The following FGFR4 variants were observed in gnomAD, a reference collection of about 807,000 sequenced individuals.
The protein encoded by FGFR4 is fibroblast growth factor receptor 4.
FGFR4 carries 63 observed loss-of-function variants against 89.9 expected under a neutral mutation model. That is an observed-to-expected ratio of 0.70 (90% CI 0.57 to 0.86). The LOEUF is 0.86. FGFR4 is among the 40% of genes least tolerant of loss of function. The pLI is 0.00. For synonymous variants in FGFR4, 486 were observed against 479.4 expected, an observed-to-expected ratio of 1.01 and a Z score of -0.18; for missense variants, 928 against 1,106.7, an observed-to-expected ratio of 0.84 and a Z score of 2.29.
At chr5:177,096,881 C>G in intron 16 of FGFR4, 140 bp downstream of exon 16, 1 of 920,092 alleles carries the variant, frequency 1.1e-6, no homozygotes, top group Non-Finnish European at 1.6e-6. Flanking sequence ...CCTCTTCCTC[C>G]TCCTCCTCTT....
chr5:177,093,476 GCGGCCCCGCCTTGCTCGC>G lies in FGFR4; in HGVS notation c.1328_1345del (p.Pro443_Gly448del). ...GTACGAGGCGTGCGTCTCTCCTCCA[GCGGCCCCGCCTTGCTCGC>G]CGGCCTCGTGAGTCTAGATCTACCT... is the stretch of plus-strand genomic sequence containing the variant. On this transcript the variant is annotated inframe_deletion, in exon 10 of 18. Coordinates refer to ENST00000292408, the MANE Select transcript of FGFR4 (RefSeq NM_213647.3). The surrounding 1 kb of genome is among the most constrained non-coding windows in gnomAD (Gnocchi z 5.8). The G allele has an allele frequency of 6.2e-7, 1 of 1,613,968 alleles. No homozygotes were observed. Among genetic ancestry groups the G allele is most frequent in the Non-Finnish European group, 8.5e-7 (1 of 1,180,004 alleles).
rs766967102 is a variant in FGFR4 at position 177,095,628 on chromosome 5, G to A, written c.1726G>A (p.Gly576Ser). ...RPPGPDLSPD[G>S]PRSSEGPLSF... is the part of the protein sequence containing the mutation. The stretch of plus-strand genomic sequence containing the variant: ...CCCAGGCCCCGACCTCAGCCCCGAC[G>A]GTCCTCGGAGCAGTGAGGGGCCGCT... Residue 576 changes from glycine (G) to serine (S), a missense_variant, in exon 13 of 18, where the codon GGT (glycine) becomes AGT (serine). Coordinates refer to ENST00000292408, the MANE Select transcript of FGFR4 (RefSeq NM_213647.3). The surrounding 1 kb of genome is among the most constrained non-coding windows in gnomAD (Gnocchi z 5.7). 1.0e-5 allele frequency: 16 copies of A among 1,605,750 alleles called. No homozygotes were observed. The highest frequency in any genetic ancestry group is 3.4e-5 in the Admixed American group (2 of 58,968).
At chr5:177,091,182 C>T in intron 5 of FGFR4, 78 bp downstream of exon 5, 2 of 1,453,370 alleles carry the variant, frequency 1.4e-6, no homozygotes, top group South Asian at 1.4e-5. Flanking sequence ...ACAAGCATAC[C>T]TATAAATCAA....
In FGFR4 at chr5:177,087,060, G is replaced by A. The variant is rs1297001051; in HGVS notation, c.-71G>A. The A allele has an allele frequency of 6.6e-6, 1 of 151,872 alleles. No homozygotes were observed. The highest frequency in any genetic ancestry group is 1.9e-4 in the East Asian group (1 of 5,130). The allele number at this position is 151,872 out of a possible 1,614,324, so 9.4% of individuals were successfully genotyped here. On this transcript the variant is annotated 5_prime_UTR_variant, in exon 1 of 18. Transcript: ENST00000292408. This position sits in a 1 kb window ranked among gnomAD's most constrained non-coding sequence, Gnocchi z 6.1. The stretch of plus-strand genomic sequence containing the variant: ...TGAGCAGGACCCTGTGCTGGGCGCG[G>A]AGTCACGCAGGCTCGAGGTGAGCCG...
At position 177,095,718 on chromosome 5, in the gene FGFR4, C is replaced by T. The variant is rs994965005; in HGVS notation, c.1816C>T (p.Arg606Trp). The T allele has an allele frequency of 1.2e-5, 20 of 1,602,034 alleles. No individual in the cohort carries two copies. Among genetic ancestry groups the T allele is most frequent in the Admixed American group, 3.4e-5 (2 of 58,454 alleles). The change falls in exon 13 of 18, where the codon CGG (arginine) becomes TGG (tryptophan). Residue 606 changes from arginine (R) to tryptophan (W), a missense_variant. Physicochemically the swap from Arg to Trp is moderately radical, Grantham distance 101 (BLOSUM62 -3). Coordinates refer to ENST00000292408, the MANE Select transcript of FGFR4 (RefSeq NM_213647.3). This position sits in a 1 kb window ranked among gnomAD's most constrained non-coding sequence, Gnocchi z 5.7. ...VARGMQYLESRKCIHRDLAAR... is the reference protein window; with the variant it reads ...VARGMQYLESWKCIHRDLAAR... ...CCGAGGCATGCAGTATCTGGAGTCC[C>T]GGAAGGTACAGGCGCTAGGGCTCTG... is the stretch of plus-strand genomic sequence containing the variant.
At chr5:177,097,205 A>T (rs1346442987) in intron 16 of FGFR4, 87 bp from the exon 17 acceptor site, 5 of 1,087,154 alleles carry the variant, frequency 4.6e-6, no homozygotes, top group Non-Finnish European at 6.6e-6. Flanking sequence ...TCCCCACCAA[A>T]CTCCTCCCCA....
chr5:177,095,455 G>A lies in FGFR4; in HGVS notation c.1630+15G>A. ...CACCCAGGAAGGTGGGGCCGAGGCG[G>A]GGCTGGCTGCACGGGCCGTTAGGGT... On this transcript the variant is annotated intron_variant, in intron 12 of 17. Transcript: ENST00000292408. This position sits in a 1 kb window ranked among gnomAD's most constrained non-coding sequence, Gnocchi z 5.7. The A allele has an allele frequency of 3.1e-6, 5 of 1,614,076 alleles. No homozygotes were observed. The highest frequency in any genetic ancestry group is 4.2e-6 in the Non-Finnish European group (5 of 1,179,926).
intron 1 of FGFR4, chr5:177,088,313 A>T: frequency 5.6e-6 from 1 of 179,478 alleles, no homozygotes; most frequent in East Asian, 9.2e-5. Context: ...CGGCCTCCCA[A>T]AGTGCTGGGA....
At position 177,090,758 on chromosome 5, in the gene FGFR4, C is replaced by T; in HGVS notation, c.369C>T (p.Ser123=). 7 of 1,608,038 alleles carry T rather than the reference C, an allele frequency of 4.4e-6. No individual in the cohort carries two copies. The highest frequency in any genetic ancestry group is 6.0e-6 in the Non-Finnish European group (7 of 1,175,930). The change falls in exon 4 of 18, where the codon TCC becomes TCT. Residue 123 remains serine, a synonymous_variant. Coordinates refer to ENST00000292408, the MANE Select transcript of FGFR4 (RefSeq NM_213647.3). ...LTLITGDSLT[S]SNDDEDPKSH... is the part of the protein sequence containing the mutation. Reference sequence around the variant, plus strand: ...TCCCTGATGTAGACTCCTTGACCTCCAGCAACGATGATGAGGACCCCAAGT... The same window carrying T: ...TCCCTGATGTAGACTCCTTGACCTCTAGCAACGATGATGAGGACCCCAAGT...
At chr5:177,089,505 C>G in intron 1 of FGFR4, 45 bp from the exon 2 acceptor site, 1 of 1,484,544 alleles carries the variant, frequency 6.7e-7, no homozygotes, top group Non-Finnish European at 9.0e-7. Context: ...AAAGCCCCCA[C>G]AAAGGTGCAC....
Position 177,095,995 on chromosome 5 carries a change from G to C in FGFR4, c.1822-62G>C. ...GCCCCTGCCCCCGGGCCTGCTGGGG[G>C]GTGGTGTGTGCTCAACTCCAGGCCA... is the stretch of plus-strand genomic sequence containing the variant. On this transcript the variant is annotated intron_variant, in intron 13 of 17. Transcript: ENST00000292408. The surrounding 1 kb of genome is among the most constrained non-coding windows in gnomAD (Gnocchi z 5.7). 1.9e-6 allele frequency: 3 copies of C among 1,576,338 alleles called. No homozygotes were observed. The highest frequency in any genetic ancestry group is 2.6e-6 in the Non-Finnish European group (3 of 1,160,190).
At position 177,095,111 on chromosome 5, in the gene FGFR4, G is replaced by C; in HGVS notation, c.1520-219G>C. The C allele has an allele frequency of 1.8e-6, 1 of 560,402 alleles. No individual in the cohort carries two copies. The allele number at this position is 560,402 out of a possible 1,614,324, so 34.7% of individuals were successfully genotyped here. A position where few individuals can be genotyped will look rare whatever the true frequency, so the allele number is the denominator to read the frequency against. ...TTGATACAGTTGCATCCTTGCAACTGCTGTGACAGGCAGGGTGTGACCCAC... is the reference window on the plus strand; with the variant it reads ...TTGATACAGTTGCATCCTTGCAACTCCTGTGACAGGCAGGGTGTGACCCAC... On this transcript the variant is annotated intron_variant, in intron 11 of 17. Coordinates refer to ENST00000292408, the MANE Select transcript of FGFR4 (RefSeq NM_213647.3). This position sits in a 1 kb window ranked among gnomAD's most constrained non-coding sequence, Gnocchi z 5.7.
At position 177,092,309 on chromosome 5, in the gene FGFR4, C is replaced by A. The variant is rs370277426; in HGVS notation, c.728-12C>A. On this transcript the variant is annotated splice_polypyrimidine_tract_variant and intron_variant, in intron 6 of 17. Coordinates refer to ENST00000292408, the MANE Select transcript of FGFR4 (RefSeq NM_213647.3). ...CCGGTGGTCAGGGTTGACTGTCTCG[C>A]CCGGTCCCCAGAGCGGTCCCCGCAC... 1 of 1,548,432 alleles carries A rather than the reference C, an allele frequency of 6.5e-7. No homozygotes were observed. Among genetic ancestry groups the A allele is most frequent in the Non-Finnish European group, 8.7e-7 (1 of 1,143,160 alleles).
At chr5:177,091,214 G>C in intron 5 of FGFR4, 110 bp downstream of exon 5, 3 of 1,388,694 alleles carry the variant, frequency 2.2e-6, no homozygotes, top group Non-Finnish European at 2.9e-6. Context: ...AAGCGATTGC[G>C]GGGCCCCGGA....
chr5:177,090,466 C>A lies in FGFR4; in HGVS notation c.168C>A (p.Cys56Ter). Residue 56 changes from cysteine to a stop codon, truncating the protein, a stop_gained, in exon 3 of 18, where the codon TGC becomes TGA. Coordinates refer to ENST00000292408, the MANE Select transcript of FGFR4 (RefSeq NM_213647.3). LOFTEE classifies it high-confidence loss of function. The stretch of plus-strand genomic sequence containing the variant: ...CCCTTGGGCAGCCTGTGCGTCTGTG[C>A]TGTGGGCGGGCTGAGCGTGGTGGCC... The part of the protein sequence containing the change: ...TVALGQPVRL[C>*]CGRAERGGHW... The A allele has an allele frequency of 6.3e-7, 1 of 1,599,270 alleles. No individual in the cohort carries two copies. Among genetic ancestry groups the A allele is most frequent in the South Asian group, 1.1e-5 (1 of 89,536 alleles).
chr5:177,086,993 T>A lies in FGFR4; in HGVS notation c.-138T>A, dbSNP rs1784165452. 6.6e-6 allele frequency: 1 copy of A among 152,404 alleles called. No homozygotes were observed. The highest frequency in any genetic ancestry group is 2.1e-4 in the South Asian group (1 of 4,822). The allele number at this position is 152,404 out of a possible 1,614,324, so 9.4% of individuals were successfully genotyped here. ...TGCAGGGGTCGCGGCCGGCTGGAGC[T>A]GGGAGTGAGGCGGCGGAGGAGCCAG... On this transcript the variant is annotated 5_prime_UTR_variant, in exon 1 of 18. Coordinates refer to ENST00000292408, the MANE Select transcript of FGFR4 (RefSeq NM_213647.3).
At position 177,096,140 on chromosome 5, in the gene FGFR4, C is replaced by T. The variant is rs777647649; in HGVS notation, c.1905C>T (p.Arg635=). ...VMKIADFGLA[R]GVHHIDYYKK... is the part of the protein sequence containing the mutation. Reference sequence around the variant, plus strand: ...AGATTGCTGACTTTGGGCTGGCCCGCGGCGTCCACCACATTGACTACTATA... The same window carrying T: ...AGATTGCTGACTTTGGGCTGGCCCGTGGCGTCCACCACATTGACTACTATA... The change falls in exon 14 of 18, where the codon CGC becomes CGT. Residue 635 remains arginine (R), a synonymous_variant. Transcript: ENST00000292408. The T allele has an allele frequency of 6.1e-5, 98 of 1,613,998 alleles. 2 individuals are homozygous for T. The highest frequency in any genetic ancestry group is 4.0e-5 in the African/African-American group (3 of 74,912).
intron 7 of FGFR4, 55 bp from the exon 8 acceptor site, chr5:177,092,591 G>C: frequency 6.4e-7 from 1 of 1,572,320 alleles, no homozygotes; most frequent in Non-Finnish European, 8.7e-7. Flanking sequence ...TTCCCTGTTG[G>C]CCACAGTGTG....
Position 177,092,649 on chromosome 5 carries a change from G to A in FGFR4, c.922G>A (p.Ala308Thr), listed in dbSNP as rs973386531. Reference protein sequence around the residue: ...GFPYVQVLKTADINSSEVEVL... With the variant: ...GFPYVQVLKTTDINSSEVEVL... ...CAGAGCATGTCCCCCACCCCAGACT[G>A]CAGACATCAATAGCTCAGAGGTGGA... The change falls in exon 8 of 18, where the codon GCA (alanine) becomes ACA (threonine). Residue 308 changes from alanine (A) to threonine (T), a missense_variant. Physicochemically the swap from Ala to Thr is moderately conservative, Grantham distance 58. This residue lies in a region of FGFR4 where 741 missense variants were observed against 836.9 expected (regional missense o/e 0.89). Coordinates refer to ENST00000292408, the MANE Select transcript of FGFR4 (RefSeq NM_213647.3). 13 of 1,604,212 alleles carry A rather than the reference G, an allele frequency of 8.1e-6. No individual in the cohort carries two copies. The highest frequency in any genetic ancestry group is 1.0e-5 in the Non-Finnish European group (12 of 1,172,166).
Sources: allele counts gnomAD v4.1 joint callset, GRCh38; gene constraint gnomAD v4.1.1; regional missense constraint gnomAD v4.1.1; non-coding constraint Gnocchi (gnomAD v3.1); transcripts MANE v1.5; gene names NCBI Gene and HGNC (gene_info 2026-07-23, HGNC 2026-07-21).